Variants in ATRNL1 observed in about 807,000 individuals in gnomAD.
ATRNL1 encodes attractin like 1, also known as attractin-like protein 1.
In ATRNL1, 95 loss-of-function variants were observed where a neutral mutation model predicts 182.7. The ratio of observed to expected loss-of-function variants is 0.52; its 90% confidence interval spans 0.44 to 0.62. The LOEUF is 0.62. Among genes scored for constraint, ATRNL1 ranks in the 20% least tolerant of loss-of-function variants. The pLI is 0.00. For missense variants in ATRNL1, 1,471 were observed against 1,679.5 expected, an observed-to-expected ratio of 0.88 and a Z score of 2.17; for synonymous variants, 576 against 568.3, an observed-to-expected ratio of 1.01 and a Z score of -0.19.
intron 26 of ATRNL1, among the ~76,000 whole-genome samples, chr10:115,685,428 A>T (rs1555046040): frequency 6.6e-6 from 1 of 151,870 alleles, no homozygotes; most frequent in Non-Finnish European, 1.5e-5. Context: ...ATAAAATTAG[A>T]TAATACATGT....
intron 26 of ATRNL1, among the ~76,000 whole-genome samples, chr10:115,611,722 A>T (rs982366496): frequency 2.2e-4 from 34 of 152,198 alleles, no homozygotes; most frequent in African/African-American, 8.2e-4. Context: ...GATGATTAAT[A>T]TTCTTTGAAA....
chr10:115,762,398 A>G (rs552410219), intron 27 of ATRNL1, among the ~76,000 whole-genome samples: 1 of 152,280 alleles, frequency 6.6e-6, no homozygotes, highest in East Asian at 1.9e-4. Context: ...GATTAATTTA[A>G]TGCAGAAAAT....
chr10:115,221,887 T>G (rs538590963), intron 9 of ATRNL1, among the ~76,000 whole-genome samples: 6 of 151,894 alleles, frequency 4.0e-5, no homozygotes, highest in Non-Finnish European at 5.9e-5. Flanking sequence ...CTTTATTGAG[T>G]GAGATAACAT....
intron 25 of ATRNL1, among the ~76,000 whole-genome samples, chr10:115,536,699 T>G (rs1852038735): frequency 6.6e-6 from 1 of 152,246 alleles, no homozygotes; most frequent in African/African-American, 2.4e-5. Flanking sequence ...ACCCGTCTTC[T>G]GCGTCGCTCA....
chr10:115,375,416 A>T (rs890588859), intron 19 of ATRNL1, among the ~76,000 whole-genome samples: 4 of 152,044 alleles, frequency 2.6e-5, no homozygotes, highest in African/African-American at 9.7e-5. Context: ...AAAAAAGTCC[A>T]GTTAGCTAAT....
intron 26 of ATRNL1, among the ~76,000 whole-genome samples, chr10:115,720,154 C>G (rs1389917112): frequency 6.6e-6 from 1 of 152,040 alleles, no homozygotes; most frequent in Non-Finnish European, 1.5e-5. Context: ...TGAGCCACTG[C>G]GTCTGGCCCC....
At chr10:115,394,906 G>T (rs1049505938) in intron 20 of ATRNL1, among the ~76,000 whole-genome samples, 154 bp downstream of exon 20, 2 of 151,940 alleles carry the variant, frequency 1.3e-5, no homozygotes, top group African/African-American at 4.8e-5. Context: ...TACATGTGCA[G>T]GTTTTTAACA....
intron 10 of ATRNL1, among the ~76,000 whole-genome samples, chr10:115,245,357 G>A (rs1850583814): frequency 6.6e-6 from 1 of 151,746 alleles, no homozygotes; most frequent in African/African-American, 2.4e-5. Context: ...AAATTAGCTG[G>A]GTGTGGTGGT....
At chr10:115,396,652 C>T (rs568922840) in intron 20 of ATRNL1, among the ~76,000 whole-genome samples, 1 of 151,968 alleles carries the variant, frequency 6.6e-6, no homozygotes, top group East Asian at 1.9e-4. Flanking sequence ...GGCAGTATTA[C>T]AGATAAAAAT....
chr10:115,577,040 A>G (rs1555005451), intron 26 of ATRNL1, among the ~76,000 whole-genome samples: 1 of 151,400 alleles, frequency 6.6e-6, no homozygotes, highest in East Asian at 1.9e-4. Flanking sequence ...ATAACTTACT[A>G]TATGTGCTTG....
In ATRNL1 at chr10:115,394,693, T is replaced by C. The variant is rs1554955109; in HGVS notation, c.3210T>C (p.His1070=). The change falls in exon 20 of 29, where the codon CAT becomes CAC. Residue 1070 remains histidine, a synonymous_variant. Coordinates refer to ENST00000355044, the MANE Select transcript of ATRNL1 (RefSeq NM_207303.4). ...CTCSGHANIC[H]LHTGKCFCTT... ...GCAGTGGCCATGCAAATATCTGTCA[T>C]CTGCACACAGGAAAATGTTTCTGCA... 1 of 1,611,646 alleles carries C rather than the reference T, an allele frequency of 6.2e-7. No homozygotes were observed. Among genetic ancestry groups the C allele is most frequent in the South Asian group, 1.1e-5 (1 of 90,802 alleles).
At chr10:115,415,251 T>A (rs1390176985) in intron 20 of ATRNL1, among the ~76,000 whole-genome samples, 1 of 152,066 alleles carries the variant, frequency 6.6e-6, no homozygotes, top group Non-Finnish European at 1.5e-5. Context: ...GAATAATTTG[T>A]GTAGTTTTAA....
At chr10:115,507,692 A>G (rs1237403106) in intron 24 of ATRNL1, among the ~76,000 whole-genome samples, 3 of 152,118 alleles carry the variant, frequency 2.0e-5, no homozygotes, top group Non-Finnish European at 4.4e-5. Context: ...AGTAATTAGC[A>G]CAGTGCCTGG....
At chr10:115,176,682 C>A (rs1287626565) in intron 8 of ATRNL1, among the ~76,000 whole-genome samples, 3 of 151,752 alleles carry the variant, frequency 2.0e-5, no homozygotes, top group Admixed American at 6.6e-5. Flanking sequence ...AGGTTTGGGG[C>A]AAAGGTGTTT....
At chr10:115,175,602 T>A (rs1165116437) in intron 8 of ATRNL1, among the ~76,000 whole-genome samples, 4 of 152,076 alleles carry the variant, frequency 2.6e-5, no homozygotes, top group Non-Finnish European at 5.9e-5. Context: ...GAAGAATACA[T>A]GATTGATGAG....
chr10:115,835,704 G>A (rs1950653689), intron 27 of ATRNL1, among the ~76,000 whole-genome samples: 1 of 152,294 alleles, frequency 6.6e-6, no homozygotes, highest in South Asian at 2.1e-4. Context: ...TGTGCTGCCT[G>A]CATTCCCACT....
chr10:115,133,224 C>G (rs1845340992), intron 5 of ATRNL1, among the ~76,000 whole-genome samples: 2 of 152,150 alleles, frequency 1.3e-5, no homozygotes, highest in East Asian at 3.9e-4. Context: ...TCAGGTTTGT[C>G]AAAGATCAGG....
chr10:115,812,601 C>T (rs1555087325), intron 27 of ATRNL1, among the ~76,000 whole-genome samples: 1 of 152,110 alleles, frequency 6.6e-6, no homozygotes, highest in African/African-American at 2.4e-5. Context: ...CTCAGCCTCC[C>T]AAGCAGCTGG....
At chr10:115,494,946 T>A (rs1849472234) in intron 24 of ATRNL1, among the ~76,000 whole-genome samples, 1 of 152,142 alleles carries the variant, frequency 6.6e-6, no homozygotes, top group South Asian at 2.1e-4. Context: ...ATATATTTTG[T>A]CTGTGAATCT....
Sources: allele counts gnomAD v4.1 joint callset (sites outside exome capture counted in the v4.1 genomes callset), GRCh38; gene constraint gnomAD v4.1.1; transcripts MANE v1.5; gene names NCBI Gene and HGNC (gene_info 2026-07-23, HGNC 2026-07-21).